ANKRD22: variants seen among roughly 807,000 people sequenced by gnomAD.
ANKRD22 encodes the protein ankyrin repeat domain-containing protein 22.
A neutral mutation model predicts 25.7 loss-of-function variants in ANKRD22; 24 were observed. The observed-to-expected ratio is 0.93, with a 90% CI of 0.68 to 1.31. The LOEUF (loss-of-function observed/expected upper bound fraction) is 1.31, where lower values mean the gene tolerates loss of function less well. Among genes scored for constraint, ANKRD22 ranks in the 50% most tolerant of loss-of-function variants. The pLI is 0.00. For synonymous variants in ANKRD22, 84 were observed against 84.3 expected, an observed-to-expected ratio of 1.00 and a Z score of 0.02; for missense variants, 214 against 227.1, an observed-to-expected ratio of 0.94 and a Z score of 0.37.
Position 88,822,231 on chromosome 10 carries a change from G to C in ANKRD22, c.*710C>G, listed in dbSNP as rs1843803948. ...GATTTGTCAATTTGCCAATTTCTGT[G>C]GTGTAAACACACTCACCGCTGACAC... On this transcript the variant is annotated 3_prime_UTR_variant, in exon 6 of 6. Coordinates refer to ENST00000371930, the MANE Select transcript of ANKRD22 (RefSeq NM_144590.3). The C allele has an allele frequency of 6.6e-6, 1 of 151,984 alleles. No homozygotes were observed. The highest frequency in any genetic ancestry group is 1.5e-5 in the Non-Finnish European group (1 of 67,994). The allele number at this position is 151,984 out of a possible 1,614,324, so 9.4% of individuals were successfully genotyped here.
intron 4 of ANKRD22, chr10:88,823,593 C>A: frequency 2.3e-6 from 1 of 434,564 alleles, no homozygotes; most frequent in East Asian, 4.8e-5. Flanking sequence ...TTTGGGAGGC[C>A]GAGGCGGGCG....
intron 1 of ANKRD22, among the ~76,000 whole-genome samples, chr10:88,832,729 T>A (rs769563116): frequency 1.3e-5 from 2 of 152,164 alleles, no homozygotes; most frequent in Non-Finnish European, 2.9e-5. Context: ...TTAGATGCTG[T>A]TTATAAAAAG....
rs565840632 is a variant in ANKRD22 at position 88,832,032 on chromosome 10, T to A, written c.22-6A>T. ...TAGGCTGCTTGGCAGATGGGCTGGGTCGGGAAAAACAAAAGCAGGTTTTGA... is the reference window on the plus strand; with the variant it reads ...TAGGCTGCTTGGCAGATGGGCTGGGACGGGAAAAACAAAAGCAGGTTTTGA... On this transcript the variant is annotated splice_polypyrimidine_tract_variant and splice_region_variant and intron_variant, in intron 1 of 5. Coordinates refer to ENST00000371930, the MANE Select transcript of ANKRD22 (RefSeq NM_144590.3). The A allele has an allele frequency of 5.0e-6, 8 of 1,585,876 alleles. No homozygotes were observed. The highest frequency in any genetic ancestry group is 6.0e-6 in the Non-Finnish European group (7 of 1,168,646).
intron 2 of ANKRD22, among the ~76,000 whole-genome samples, chr10:88,830,507 C>A (rs73367127): frequency 2.0e-5 from 3 of 151,906 alleles, no homozygotes; most frequent in African/African-American, 7.2e-5. Context: ...ATCACAGGTT[C>A]AAATTATTAA....
chr10:88,825,942 G>T, intron 4 of ANKRD22, 96 bp downstream of exon 4: 1 of 1,037,362 alleles, frequency 9.6e-7, no homozygotes, highest in Non-Finnish European at 1.4e-6. Flanking sequence ...ATGTAAAATT[G>T]TCTAGGAAAA....
At chr10:88,845,553 G>C (rs1844039988) in intron 1 of ANKRD22, among the ~76,000 whole-genome samples, 1 of 152,056 alleles carries the variant, frequency 6.6e-6, no homozygotes, top group South Asian at 2.1e-4. Context: ...GCCCCTCTCT[G>C]AGTGTTCCCA....
chr10:88,820,539 G>A lies in ANKRD22; in HGVS notation c.*2402C>T. The A allele has an allele frequency of 1.3e-6, 2 of 1,533,286 alleles. No individual in the cohort carries two copies. Among genetic ancestry groups the A allele is most frequent in the Non-Finnish European group, 1.8e-6 (2 of 1,139,988 alleles). 95.0% of individuals were successfully genotyped at this position (1,533,286 alleles called of 1,614,324 possible). A position where few individuals can be genotyped will look rare whatever the true frequency, so the allele number is the denominator to read the frequency against. On this transcript the variant is annotated 3_prime_UTR_variant, in exon 6 of 6. Transcript: ENST00000371930. The stretch of plus-strand genomic sequence containing the variant: ...TGACGATCTTAGGACAACCTCCTGA[G>A]GGATGGGGCTAGGACCCATGAAGGC...
At chr10:88,823,897 A>G (rs1000127764) in intron 4 of ANKRD22, among the ~76,000 whole-genome samples, 2 of 152,056 alleles carry the variant, frequency 1.3e-5, no homozygotes, top group East Asian at 1.9e-4. Flanking sequence ...TAAGCCATCA[A>G]TCTCTGCCTT....
chr10:88,832,457 C>T (rs1345985333), intron 1 of ANKRD22, among the ~76,000 whole-genome samples: 1 of 151,836 alleles, frequency 6.6e-6, no homozygotes, highest in Non-Finnish European at 1.5e-5. Flanking sequence ...ATACCTTTAT[C>T]TTTATCTTTA....
chr10:88,847,134 T>G (rs1307014086), intron 1 of ANKRD22, among the ~76,000 whole-genome samples: 1 of 152,180 alleles, frequency 6.6e-6, no homozygotes, highest in Non-Finnish European at 1.5e-5. Flanking sequence ...ACAATTGGGA[T>G]CTTCATTTGT....
chr10:88,830,664 G>C (rs1843894981), intron 2 of ANKRD22, among the ~76,000 whole-genome samples: 1 of 152,270 alleles, frequency 6.6e-6, no homozygotes, highest in South Asian at 2.1e-4. Flanking sequence ...TGGTTTTTAT[G>C]ATACCAGAAA....
chr10:88,825,784 C>T (rs887140078), intron 4 of ANKRD22, among the ~76,000 whole-genome samples: 1 of 152,158 alleles, frequency 6.6e-6, no homozygotes, highest in African/African-American at 2.4e-5. Flanking sequence ...CCTTAGTTTT[C>T]CTTAACGTCT....
At position 88,823,276 on chromosome 10, in the gene ANKRD22, T is replaced by A; in HGVS notation, c.498+4A>T. 6.2e-7 allele frequency: 1 copy of A among 1,609,082 alleles called. No individual in the cohort carries two copies. The highest frequency in any genetic ancestry group is 8.5e-7 in the Non-Finnish European group (1 of 1,175,528). On this transcript the variant is annotated splice_donor_region_variant and intron_variant, in intron 5 of 5. Coordinates refer to ENST00000371930, the MANE Select transcript of ANKRD22 (RefSeq NM_144590.3). ...ACCTCAGACCACGGTCCACCCTCCC[T>A]TACCTTATTCTTTATTGTGGGGTCT...
intron 1 of ANKRD22, among the ~76,000 whole-genome samples, chr10:88,836,188 A>G (rs1422363772): frequency 6.6e-6 from 1 of 152,060 alleles, no homozygotes; most frequent in Non-Finnish European, 1.5e-5. Flanking sequence ...CACACCCTTG[A>G]TCTAAATAAA....
At chr10:88,824,506 A>G (rs1843834654) in intron 4 of ANKRD22, among the ~76,000 whole-genome samples, 1 of 152,248 alleles carries the variant, frequency 6.6e-6, no homozygotes, top group Non-Finnish European at 1.5e-5. Flanking sequence ...CTAATTATCC[A>G]AAAATACAAA....
chr10:88,832,507 GTCTTTA>G (rs1216276932), intron 1 of ANKRD22, among the ~76,000 whole-genome samples: 5 of 144,134 alleles, frequency 3.5e-5, no homozygotes, highest in South Asian at 2.2e-4. Context: ...AAGACAAAAT[GTCTTTA>G]TCTTTATCTT....
In ANKRD22 at chr10:88,823,305, C is replaced by T. The variant is rs778593802; in HGVS notation, c.473G>A (p.Arg158His). ...QSLIPLLLEA[R>H]ADPTIKNKHG... Reference sequence around the variant, plus strand: ...CTTATTCTTTATTGTGGGGTCTGCACGGGCTTCCAAGAGCAGAGGGATAAG... The same window carrying T: ...CTTATTCTTTATTGTGGGGTCTGCATGGGCTTCCAAGAGCAGAGGGATAAG... Residue 158 changes from arginine (R) to histidine (H), a missense_variant, in exon 5 of 6, where the codon CGT (arginine) becomes CAT (histidine). Arg to His is a conservative substitution (Grantham distance 29). Coordinates refer to ENST00000371930, the MANE Select transcript of ANKRD22 (RefSeq NM_144590.3). The T allele has an allele frequency of 1.9e-6, 3 of 1,613,756 alleles. No homozygotes were observed. The highest frequency in any genetic ancestry group is 2.5e-6 in the Non-Finnish European group (3 of 1,179,656).
Position 88,851,761 on chromosome 10 carries a change from G to T in ANKRD22, c.-154C>A, listed in dbSNP as rs1303970910. On this transcript the variant is annotated 5_prime_UTR_variant, in exon 1 of 6. Coordinates refer to ENST00000371930, the MANE Select transcript of ANKRD22 (RefSeq NM_144590.3). The stretch of plus-strand genomic sequence containing the variant: ...AGGAGTGCTTTTCTAGCAAACACCT[G>T]TCAGTGCTTTTCCAGCAGCTCAGGC... The T allele has an allele frequency of 2.9e-5, 22 of 755,876 alleles. 1 individual carries two copies. The South Asian group carries it at 3.0e-4, about 10-fold the overall frequency. 46.8% of individuals were successfully genotyped at this position (755,876 alleles called of 1,614,324 possible).
In ANKRD22 at chr10:88,851,736, A is replaced by C; in HGVS notation, c.-129T>G. 1 of 1,051,956 alleles carries C rather than the reference A, an allele frequency of 9.5e-7. No individual in the cohort carries two copies. The highest frequency in any genetic ancestry group is 2.4e-5 in the East Asian group (1 of 41,520). 65.2% of individuals were successfully genotyped at this position (1,051,956 alleles called of 1,614,324 possible). On this transcript the variant is annotated 5_prime_UTR_variant, in exon 1 of 6. Transcript: ENST00000371930. ...GAAGTCCAAGCTGGTGGCAAGCTCC[A>C]GGAGTGCTTTTCTAGCAAACACCTG...
Sources: gnomAD v4.1 joint callset for allele counts (sites outside exome capture counted in the v4.1 genomes callset) on GRCh38, gnomAD v4.1.1 for gene constraint, MANE v1.5 for transcripts, NCBI Gene and HGNC (gene_info 2026-07-23, HGNC 2026-07-21) for gene names.